Variants in KALRN observed in about 807,000 individuals in gnomAD.
KALRN encodes the protein kalirin RhoGEF kinase, also known as kalirin.
In KALRN, 70 loss-of-function variants were observed where a neutral mutation model predicts 353.7. That is an observed-to-expected ratio of 0.20 (90% CI 0.16 to 0.24). KALRN has a LOEUF of 0.24. Ranked by LOEUF, KALRN falls within the 10% of genes least tolerant of loss-of-function variation. The probability of loss-of-function intolerance (pLI) is 1.00; values close to 1 mark genes in which losing one functional copy is unlikely to be tolerated. For synonymous variants in KALRN, 1,391 were observed against 1,434.8 expected (o/e 0.97, Z 0.69); for missense variants, 2,791 against 3,756.7 (o/e 0.74, Z 6.72).
rs59265829 is a variant in KALRN at position 124,688,310 on chromosome 3, C to CAA, written c.7378-5477_7378-5476dup. ...CATGAGCAACAGCGTGAGACCCTGTCAAAAAAAAAAAAAAAAAAGAGCAGA... is the reference window on the plus strand; with the variant it reads ...CATGAGCAACAGCGTGAGACCCTGTCAAAAAAAAAAAAAAAAAAAAGAGCAGA... On this transcript the variant is annotated intron_variant, in intron 51 of 59. Coordinates refer to ENST00000682506, the MANE Select transcript of KALRN (RefSeq NM_001388419.1). Among the ~76,000 whole-genome samples, 734 of 83,184 alleles carry CAA rather than the reference C, an allele frequency of 8.8e-3. 19 individuals are homozygous for CAA. The highest frequency in any genetic ancestry group is 0.049 in the Admixed American group (391 of 8,054). 54.6% of individuals were successfully genotyped at this position (83,184 alleles called of 152,430 possible).
At chr3:124,094,085 G>C (rs1250923049) in intron 1 of KALRN, 1 of 152,478 alleles carries the variant, frequency 6.6e-6, no homozygotes, top group Non-Finnish European at 1.5e-5. Flanking sequence ...CACAAATACT[G>C]TTCTCTCTGG....
chr3:124,187,708 A>G (rs563846214), intron 1 of KALRN, among the ~76,000 whole-genome samples: 1 of 152,324 alleles, frequency 6.6e-6, no homozygotes, highest in South Asian at 2.1e-4. Context: ...TAGAGTGCCA[A>G]GGTGAAATAA....
chr3:124,270,124 G>T (rs2073979222), intron 5 of KALRN, among the ~76,000 whole-genome samples: 1 of 152,196 alleles, frequency 6.6e-6, no homozygotes, highest in African/African-American at 2.4e-5. Flanking sequence ...AGAAAGAAGA[G>T]TTTACTATTA....
intron 56 of KALRN, among the ~76,000 whole-genome samples, chr3:124,701,803 G>A (rs1045599495): frequency 1.8e-4 from 28 of 152,012 alleles, no homozygotes; most frequent in East Asian, 1.2e-3. Context: ...ATTGTACTGC[G>A]TTTTCCCTTT....
chr3:124,501,035 A>G (rs1822996), intron 33 of KALRN, among the ~76,000 whole-genome samples: 36,203 of 152,210 alleles, frequency 0.24, 4,555 homozygotes, highest in South Asian at 0.38. Flanking sequence ...GTTCCAGTGC[A>G]TGTATTTGCC....
rs188261405 is a variant in KALRN at position 124,724,969 on chromosome 3, T to A, written c.*5499T>A. On this transcript the variant is annotated 3_prime_UTR_variant, in exon 60 of 60. Transcript: ENST00000682506. ...TATTCAAATGATCAAGATAACGCATTAGTTAGATAACTGCTATTTCAGATA... is the reference window on the plus strand; with the variant it reads ...TATTCAAATGATCAAGATAACGCATAAGTTAGATAACTGCTATTTCAGATA... 6.6e-6 allele frequency: 1 copy of A among 152,350 alleles called. No individual in the cohort carries two copies. Among genetic ancestry groups the A allele is most frequent in the Admixed American group, 6.5e-5 (1 of 15,298 alleles). 9.4% of individuals were successfully genotyped at this position (152,350 alleles called of 1,614,324 possible). A position where few individuals can be genotyped will look rare whatever the true frequency, so the allele number is the denominator to read the frequency against.
intron 5 of KALRN, among the ~76,000 whole-genome samples, chr3:124,294,627 T>A (rs1474743993): frequency 6.9e-6 from 1 of 145,164 alleles, no homozygotes; most frequent in African/African-American, 2.5e-5. Context: ...CGGGTTCAAG[T>A]GATTCTCCTG....
chr3:124,169,001 G>T (rs2071317511), intron 1 of KALRN, among the ~76,000 whole-genome samples: 1 of 152,202 alleles, frequency 6.6e-6, no homozygotes, highest in Admixed American at 6.5e-5. Context: ...GTTGACTCTT[G>T]AGTGGAAAGA....
intron 15 of KALRN, among the ~76,000 whole-genome samples, chr3:124,424,600 G>A (rs921280028): frequency 2.6e-5 from 4 of 152,084 alleles, no homozygotes; most frequent in African/African-American, 7.2e-5. Flanking sequence ...AAGCAAGGCC[G>A]GGTTACAGTG....
At chr3:124,298,381 T>A (rs533444732) in intron 5 of KALRN, among the ~76,000 whole-genome samples, 4 of 152,170 alleles carry the variant, frequency 2.6e-5, no homozygotes, top group African/African-American at 9.6e-5. Flanking sequence ...CAGAGGCGAG[T>A]AAGGATGTCC....
In KALRN at chr3:124,334,334, C is replaced by T; in HGVS notation, c.1486C>T (p.Leu496Phe). The T allele has an allele frequency of 1.2e-6, 2 of 1,614,258 alleles. No individual in the cohort carries two copies. The highest frequency in any genetic ancestry group is 1.7e-6 in the Non-Finnish European group (2 of 1,180,054). The change falls in exon 9 of 60, where the codon CTC becomes TTC. Residue 496 changes from leucine (L) to phenylalanine (F), a missense_variant. Around this residue, in one of 11 missense-constraint regions of KALRN, gnomAD observed 366 missense variants for 489.2 expected, o/e 0.75. Coordinates refer to ENST00000682506, the MANE Select transcript of KALRN (RefSeq NM_001388419.1). This position sits in a 1 kb window ranked among gnomAD's most constrained non-coding sequence, Gnocchi z 4.2. The part of the protein sequence containing the change: ...RPLSPGNSES[L>F]TATANYSKAV... ...CCTGAGCCCTGGGAACTCCGAATCC[C>T]TCACGGCCACAGCCAACTACTCCAA...
intron 1 of KALRN, among the ~76,000 whole-genome samples, chr3:124,155,853 T>G (rs1195715968): frequency 6.6e-6 from 1 of 152,212 alleles, no homozygotes; most frequent in Non-Finnish European, 1.5e-5. Context: ...AGTGCAGAAT[T>G]AGACACACAG....
chr3:124,214,595 G>C (rs1177304548), intron 1 of KALRN, among the ~76,000 whole-genome samples: 1 of 152,126 alleles, frequency 6.6e-6, no homozygotes, highest in African/African-American at 2.4e-5. Flanking sequence ...TAAGATTACT[G>C]GGAGAGGATT....
chr3:124,193,817 A>C (rs1045401303), intron 1 of KALRN, among the ~76,000 whole-genome samples: 4 of 152,140 alleles, frequency 2.6e-5, no homozygotes, highest in Admixed American at 2.6e-4. Context: ...TTGAGCTCAC[A>C]AAGTATATCT....
chr3:124,614,152 T>A (rs1184090080), intron 34 of KALRN, among the ~76,000 whole-genome samples: 1 of 152,242 alleles, frequency 6.6e-6, no homozygotes, highest in African/African-American at 2.4e-5. Flanking sequence ...AAATGAACTT[T>A]AAATAGAATG....
At chr3:124,329,717 A>C in intron 7 of KALRN, 144 bp from the exon 8 acceptor site, 2 of 855,418 alleles carry the variant, frequency 2.3e-6, no homozygotes, top group Non-Finnish European at 3.5e-6. Context: ...ATAGAATTAA[A>C]AAAACTCTAC....
chr3:124,565,993 G>T (rs954373703), intron 34 of KALRN, among the ~76,000 whole-genome samples: 2 of 152,200 alleles, frequency 1.3e-5, no homozygotes, highest in African/African-American at 4.8e-5. Context: ...GGCTGTCATA[G>T]AACTTTCCAG....
intron 33 of KALRN, among the ~76,000 whole-genome samples, chr3:124,557,441 A>ATTAATGAAATCACT (rs1577962820): frequency 1.3e-5 from 2 of 152,354 alleles, no homozygotes; most frequent in East Asian, 3.9e-4. Context: ...ACATTACCTA[A>ATTAATGAAATCACT]TTAAATGAAA....
chr3:124,548,980 C>T (rs1001301780), intron 33 of KALRN, among the ~76,000 whole-genome samples: 1 of 152,206 alleles, frequency 6.6e-6, no homozygotes, highest in East Asian at 1.9e-4. Flanking sequence ...TTAATTGAAA[C>T]AGCAGCCCTA....
Sources: gnomAD v4.1 joint callset for allele counts (sites outside exome capture counted in the v4.1 genomes callset) on GRCh38, gnomAD v4.1.1 for gene constraint, gnomAD v4.1.1 regional missense constraint, Gnocchi (gnomAD v3.1) non-coding constraint, MANE v1.5 for transcripts, NCBI Gene and HGNC (gene_info 2026-07-23, HGNC 2026-07-21) for gene names.